MTCL1: variants seen among roughly 807,000 people sequenced by gnomAD.
The protein encoded by MTCL1 is microtubule cross-linking factor 1.
MTCL1 carries 79 observed loss-of-function variants against 141.4 expected under a neutral mutation model. The ratio of observed to expected loss-of-function variants is 0.56; its 90% CI spans 0.47 to 0.67. The LOEUF (loss-of-function observed/expected upper bound fraction) is 0.67, where lower values mean the gene tolerates loss of function less well. Ranked by LOEUF, MTCL1 falls within the 30% of genes least tolerant of loss-of-function variation. MTCL1 has a pLI of 0.00. For missense variants in MTCL1, 2,177 were observed against 2,113.9 expected, an observed-to-expected ratio of 1.03 and a Z score of -0.59; for synonymous variants, 914 against 875.8, an observed-to-expected ratio of 1.04 and a Z score of -0.77.
rs1241543211 is a variant in MTCL1 at position 8,706,956 on chromosome 18, C to G, written c.1053+243C>G. ...TCTTTTCTCGCGTCTAGAACTCTTG[C>G]GTCTCTTCGCTGATACTTTTACTTT... On this transcript the variant is annotated intron_variant, in intron 1 of 13. Coordinates refer to the MTCL1 transcript ENST00000306329. 7 of 563,076 alleles carry G rather than the reference C, an allele frequency of 1.2e-5. No individual in the cohort carries two copies. The East Asian group carries it at 2.1e-4, about 17-fold the overall frequency. The allele number at this position is 563,076 out of a possible 1,614,324, so 34.9% of individuals were successfully genotyped here.
At chr18:8,716,151 A>G (rs537928617), upstream of MTCL1, among the ~76,000 whole-genome samples, 1 of 152,354 alleles carries the variant, frequency 6.6e-6, no homozygotes, top group African/African-American at 2.4e-5. Flanking sequence ...TATACTTTTA[A>G]TATTTTCATC....
intron 4 of MTCL1, among the ~76,000 whole-genome samples, chr18:8,727,052 A>T (rs533911087): frequency 7.7e-4 from 118 of 152,264 alleles, no homozygotes; most frequent in African/African-American, 2.7e-3. Context: ...AACATGCAGT[A>T]TTGGATTTTC....
At chr18:8,724,636 C>G (rs1598397359) in intron 4 of MTCL1, among the ~76,000 whole-genome samples, 1 of 152,106 alleles carries the variant, frequency 6.6e-6, no homozygotes, top group South Asian at 2.1e-4. Context: ...TGTCTTAACT[C>G]TTTTGCATGA....
intron 4 of MTCL1, among the ~76,000 whole-genome samples, chr18:8,728,947 G>GCTGGTCTCAAACTC (rs2096235030): frequency 6.6e-6 from 1 of 151,898 alleles, no homozygotes; most frequent in African/African-American, 2.4e-5. Flanking sequence ...TGTTGGCCAG[G>GCTGGTCTCAAACTC]CTGGTCTCAA....
At chr18:8,818,992 T>G (rs377486386) in exon 13 of MTCL1, 13 of 1,613,994 alleles carry the variant, frequency 8.1e-6, no homozygotes, top group Non-Finnish European at 1.1e-5. Flanking sequence ...CCCGGAGAGG[T>G]GGCAGTTTCC....
chr18:8,721,447 A>C (rs1457281317), intron 4 of MTCL1, among the ~76,000 whole-genome samples: 1 of 92,232 alleles, frequency 1.1e-5, no homozygotes, highest in East Asian at 2.8e-4. Flanking sequence ...CACAGATAAC[A>C]AAACAAACAA....
chr18:8,734,899 A>T (rs1275901658), intron 4 of MTCL1, among the ~76,000 whole-genome samples: 1 of 152,210 alleles, frequency 6.6e-6, no homozygotes, highest in Non-Finnish European at 1.5e-5. Flanking sequence ...GTGTGCCTGC[A>T]GCATCTCCTT....
Position 8,779,580 on chromosome 18 carries a change from T to C in MTCL1, c.417+1688T>C, listed in dbSNP as rs985564769. 6.6e-6 allele frequency among the ~76,000 whole-genome samples: 1 copy of C among 152,048 alleles called. No individual in the cohort carries two copies. The highest frequency in any genetic ancestry group is 1.5e-5 in the Non-Finnish European group (1 of 68,012). ...AGCTCAGCTTCCCTCAGGCCGCCCC[T>C]CTCCTGTACACAACACCCGGCAGGT... On this transcript the variant is annotated intron_variant, in intron 5 of 16. Coordinates refer to ENST00000359865, the Ensembl canonical transcript of MTCL1. The surrounding 1 kb of genome is among the most constrained non-coding windows in gnomAD (Gnocchi z 4.1).
At position 8,798,432 on chromosome 18, in the gene MTCL1, A is replaced by ATT. The variant is rs2076001408; in HGVS notation, c.2436+143_2436+144dup. 9.2e-6 allele frequency: 6 copies of ATT among 651,394 alleles called. No homozygotes were observed. The South Asian group carries it at 1.8e-4, about 20-fold the overall frequency. The allele number at this position is 651,394 out of a possible 1,614,324, so 40.4% of individuals were successfully genotyped here. On this transcript the variant is annotated intron_variant, in intron 10 of 16. Coordinates refer to ENST00000359865, the Ensembl canonical transcript of MTCL1. ...CGCCTGACTGCGGTCACCTGTTGTCATTTGTGATGCTGGGTTTTTCCTAGA... is the reference window on the plus strand; with the variant it reads ...CGCCTGACTGCGGTCACCTGTTGTCATTTTTGTGATGCTGGGTTTTTCCTAGA...
At position 8,830,791 on chromosome 18, in the gene MTCL1, G is replaced by T. The variant is rs926761301; in HGVS notation, c.*19-816G>T. 5.1e-6 allele frequency: 5 copies of T among 985,272 alleles called. No individual in the cohort carries two copies. In the African/African-American group the frequency reaches 8.7e-5, roughly 17 times the overall value. 61.0% of individuals were successfully genotyped at this position (985,272 alleles called of 1,614,324 possible). Reference sequence around the variant, plus strand: ...GTGTATCAGCAAATTCCAAATTTGGGTGTCCTGGTTTTGTAACATGTAAGG... The same window carrying T: ...GTGTATCAGCAAATTCCAAATTTGGTTGTCCTGGTTTTGTAACATGTAAGG... On this transcript the variant is annotated intron_variant, in intron 16 of 16. Transcript: ENST00000359865. The surrounding 1 kb of genome is among the most constrained non-coding windows in gnomAD (Gnocchi z 6.4).
rs188875556 is a variant in MTCL1, at chr18:8,726,193, T to C, written c.357+5697T>C. On this transcript the variant is annotated intron_variant, in intron 4 of 16. Coordinates refer to ENST00000359865, the Ensembl canonical transcript of MTCL1. ...GACCTCTTTATTCTAATGTATTGCT[T>C]TTTGCTGTAAATTCTTTTTTATCTG... Among the ~76,000 whole-genome samples, 450 of 152,154 alleles carry C rather than the reference T, an allele frequency of 3.0e-3. 5 individuals are homozygous for C. Among genetic ancestry groups the C allele is most frequent in the African/African-American group, 0.01 (433 of 41,544 alleles).
chr18:8,751,834 G>A (rs1383583374), intron 4 of MTCL1, among the ~76,000 whole-genome samples: 2 of 152,174 alleles, frequency 1.3e-5, no homozygotes, highest in African/African-American at 2.4e-5. Context: ...CGTGGGATTC[G>A]CTTGTGAAAG....
intron 4 of MTCL1, among the ~76,000 whole-genome samples, chr18:8,756,379 GTA>G (rs760326796): frequency 6.6e-6 from 1 of 150,426 alleles, no homozygotes; most frequent in Non-Finnish European, 1.5e-5. Context: ...GTGTATATAT[GTA>G]TATATGTGTA....
At chr18:8,812,135 CAG>C (rs1304834054) in intron 11 of MTCL1, among the ~76,000 whole-genome samples, 2 of 152,146 alleles carry the variant, frequency 1.3e-5, no homozygotes, top group Non-Finnish European at 2.9e-5. Context: ...AATATTAAAA[CAG>C]AAAATAATGA....
chr18:8,790,806 G>A (rs2075695457), intron 7 of MTCL1, among the ~76,000 whole-genome samples: 1 of 152,148 alleles, frequency 6.6e-6, no homozygotes, highest in Non-Finnish European at 1.5e-5. Context: ...CTTGAGGTCA[G>A]GAGTTCGAGA....
chr18:8,708,783 G>C (rs1456646564), intron 1 of MTCL1, among the ~76,000 whole-genome samples: 2 of 152,222 alleles, frequency 1.3e-5, no homozygotes, highest in African/African-American at 2.4e-5. Context: ...CCCACTGCCA[G>C]TGTTTCAGTT....
At chr18:8,786,119 C>CACA (rs1555656000) in intron 7 of MTCL1, 28 bp downstream of exon 6, 8 of 1,431,320 alleles carry the variant, frequency 5.6e-6, no homozygotes, top group Middle Eastern at 4.4e-4. Flanking sequence ...ATCCCCCCCC[C>CACA]CCGCCCTCCC....
rs540083586 is a variant in MTCL1, at chr18:8,805,483, C to A, written c.2437-1410C>A. On this transcript the variant is annotated intron_variant, in intron 10 of 16. Transcript: ENST00000359865. ...ACAATTTTATGTAAATACAAACATC[C>A]ATCCAAAGTATCTTAAATTCCTCCC... 4.5e-4 allele frequency among the ~76,000 whole-genome samples: 68 copies of A among 152,284 alleles called. 2 individuals carry two copies. The South Asian group carries it at 0.014, about 31-fold the overall frequency.
intron 4 of MTCL1, among the ~76,000 whole-genome samples, chr18:8,741,181 TTTGAAGA>T (rs144544411): frequency 0.031 from 4,641 of 152,060 alleles, 234 homozygotes; most frequent in African/African-American, 0.11. Flanking sequence ...GTGGAAGGAG[TTTGAAGA>T]TTGTCTGCAT....
Sources: allele counts gnomAD v4.1 joint callset (sites outside exome capture counted in the v4.1 genomes callset), GRCh38; gene constraint gnomAD v4.1.1; non-coding constraint Gnocchi (gnomAD v3.1); transcripts MANE v1.5; gene names NCBI Gene and HGNC (gene_info 2026-07-23, HGNC 2026-07-21).